JCAD: variants seen among roughly 807,000 people sequenced by gnomAD.
The protein encoded by JCAD is junctional cadherin 5 associated, also known as junctional cadherin 5-associated protein.
In JCAD, 40 loss-of-function variants were observed where a neutral mutation model predicts 98.0. The ratio of observed to expected loss-of-function variants is 0.41; its 90% CI spans 0.32 to 0.53. JCAD has a LOEUF of 0.53. JCAD is among the 20% of genes least tolerant of loss of function. JCAD has a pLI of 0.31. For synonymous variants in JCAD, 691 were observed against 682.3 expected, an observed-to-expected ratio of 1.01 and a Z score of -0.20; for missense variants, 1,705 against 1,738.1, an observed-to-expected ratio of 0.98 and a Z score of 0.34.
At chr10:30,095,116 CTTTATG>C (rs1358568492) in intron 1 of JCAD, among the ~76,000 whole-genome samples, 1 of 152,130 alleles carries the variant, frequency 6.6e-6, no homozygotes, top group Non-Finnish European at 1.5e-5. Flanking sequence ...CTTGGACGAA[CTTTATG>C]TTTATTCTCT....
chr10:30,065,701 G>C (rs780919027), intron 2 of JCAD, among the ~76,000 whole-genome samples: 1 of 152,012 alleles, frequency 6.6e-6, no homozygotes, highest in East Asian at 1.9e-4. Context: ...GGCTCTCCCT[G>C]TGTTGCCCAG....
intron 1 of JCAD, among the ~76,000 whole-genome samples, chr10:30,053,998 G>T (rs1837519759): frequency 2.0e-5 from 3 of 152,152 alleles, no homozygotes; most frequent in Admixed American, 6.5e-5. Context: ...GGAGGCAAAG[G>T]TTGCAGTGAG....
At chr10:30,048,257 C>T (rs1837396798) in intron 1 of JCAD, among the ~76,000 whole-genome samples, 2 of 152,214 alleles carry the variant, frequency 1.3e-5, no homozygotes, top group Non-Finnish European at 2.9e-5. Flanking sequence ...CTGGGAGCTG[C>T]AATGACTGCT....
rs368139420 is a variant in JCAD, at chr10:30,026,646, G to A, written c.3502C>T (p.Arg1168Trp). The change falls in exon 3 of 4, where the codon CGG becomes TGG. Residue 1168 changes from arginine to tryptophan, a missense_variant. Arg to Trp is a moderately radical substitution (Grantham distance 101). Transcript: ENST00000375377. Reference sequence around the variant, plus strand: ...GAGTGCTCAAAAGCCTGAGGAGCCCGCCTGGCACTGTCCCTGTCCCCTACA... The same window carrying A: ...GAGTGCTCAAAAGCCTGAGGAGCCCACCTGGCACTGTCCCTGTCCCCTACA... ...LFVGDRDSAR[R>W]APQAFEHSDV... 8.1e-6 allele frequency: 13 copies of A among 1,612,946 alleles called. No individual in the cohort carries two copies. Among genetic ancestry groups the A allele is most frequent in the East Asian group, 4.5e-5 (2 of 44,890 alleles).
intron 1 of JCAD, among the ~76,000 whole-genome samples, chr10:30,080,129 CAGTG>C (rs1838056814): frequency 1.3e-5 from 2 of 151,978 alleles, no homozygotes; most frequent in African/African-American, 4.8e-5. Context: ...GTTGAATAGT[CAGTG>C]AGTGAGGAAA....
chr10:30,099,013 T>A (rs1838424760), intron 1 of JCAD, among the ~76,000 whole-genome samples: 1 of 152,242 alleles, frequency 6.6e-6, no homozygotes, highest in East Asian at 1.9e-4. Flanking sequence ...ATTACTTAGG[T>A]GTCTATTACT....
At position 30,026,630 on chromosome 10, in the gene JCAD, A is replaced by G. The variant is rs1332701011; in HGVS notation, c.3518T>C (p.Phe1173Ser). ...AACCCCGTCCACATCTGAGTGCTCA[A>G]AAGCCTGAGGAGCCCGCCTGGCACT... ...RDSARRAPQA[F>S]EHSDVDGVVT... The change falls in exon 3 of 4, where the codon TTT becomes TCT. Residue 1173 changes from phenylalanine to serine, a missense_variant. This residue lies in a region of JCAD where 1,278 missense variants were observed against 1,243.1 expected (regional missense o/e 1.03). Transcript: ENST00000375377. The G allele has an allele frequency of 6.2e-7, 1 of 1,613,300 alleles. No homozygotes were observed. Among genetic ancestry groups the G allele is most frequent in the African/African-American group, 1.3e-5 (1 of 74,886 alleles).
chr10:30,058,347 G>C (rs1406454832), intron 1 of JCAD, among the ~76,000 whole-genome samples: 1 of 152,108 alleles, frequency 6.6e-6, no homozygotes, highest in Non-Finnish European at 1.5e-5. Flanking sequence ...ATGAGGACAC[G>C]GGAGGCGGGT....
intron 1 of JCAD, among the ~76,000 whole-genome samples, chr10:30,100,572 T>C (rs1269052132): frequency 1.3e-5 from 2 of 152,154 alleles, no homozygotes; most frequent in Non-Finnish European, 2.9e-5. Flanking sequence ...GTAGTACCGA[T>C]GGGGTTTCAC....
intron 3 of JCAD, 170 bp downstream of exon 3, chr10:30,025,933 G>T (rs1292011837): frequency 9.3e-6 from 7 of 750,086 alleles, no homozygotes; most frequent in East Asian, 5.2e-5. Context: ...TTTAAAGATG[G>T]CTTCTGGATA....
At chr10:30,096,752 A>G (rs1279034763) in intron 1 of JCAD, among the ~76,000 whole-genome samples, 1 of 152,100 alleles carries the variant, frequency 6.6e-6, no homozygotes, top group African/African-American at 2.4e-5. Context: ...AAATAGATTA[A>G]GGCTGCACGA....
intron 2 of JCAD, among the ~76,000 whole-genome samples, chr10:30,042,779 G>A (rs1406462149): frequency 6.6e-6 from 1 of 151,940 alleles, no homozygotes; most frequent in Non-Finnish European, 1.5e-5. Context: ...TCCTTACAAC[G>A]ACCCCTCCCT....
At chr10:30,019,090 T>C (rs1836599758) in intron 3 of JCAD, among the ~76,000 whole-genome samples, 1 of 152,116 alleles carries the variant, frequency 6.6e-6, no homozygotes, top group South Asian at 2.1e-4. Flanking sequence ...GCACAGTGGC[T>C]CACGGCTGTA....
At chr10:30,066,810 C>G (rs1440086686) in intron 2 of JCAD, among the ~76,000 whole-genome samples, 1 of 152,124 alleles carries the variant, frequency 6.6e-6, no homozygotes, top group Admixed American at 6.6e-5. Context: ...CACTTGAGGT[C>G]AGGAGTTCAA....
intron 1 of JCAD, among the ~76,000 whole-genome samples, chr10:30,085,418 T>C (rs1589712005): frequency 6.6e-6 from 1 of 152,202 alleles, no homozygotes; most frequent in East Asian, 1.9e-4. Context: ...CTGCTTCCAA[T>C]AAATTTGTCA....
chr10:30,054,428 C>T (rs531553170), intron 1 of JCAD, among the ~76,000 whole-genome samples: 1 of 152,004 alleles, frequency 6.6e-6, no homozygotes, highest in East Asian at 1.9e-4. Context: ...TTGGCAATTT[C>T]ATATACTTAC....
intron 2 of JCAD, among the ~76,000 whole-genome samples, chr10:30,043,790 C>G (rs1001534965): frequency 2.0e-5 from 3 of 152,224 alleles, no homozygotes; most frequent in African/African-American, 7.2e-5. Context: ...TGCAGGGTGG[C>G]AGCCCCAAGG....
intron 1 of JCAD, among the ~76,000 whole-genome samples, chr10:30,109,427 C>T (rs1162478402): frequency 6.6e-6 from 1 of 152,130 alleles, no homozygotes; most frequent in Non-Finnish European, 1.5e-5. Context: ...AAGTTCAAAA[C>T]TTGAAGTTAT....
intron 1 of JCAD, among the ~76,000 whole-genome samples, chr10:30,104,263 G>A (rs1032191263): frequency 1.3e-5 from 2 of 152,168 alleles, no homozygotes; most frequent in African/African-American, 4.8e-5. Context: ...ATTTGATTCA[G>A]TAGCAGGTTT....
Sources: allele counts gnomAD v4.1 joint callset (sites outside exome capture counted in the v4.1 genomes callset), GRCh38; gene constraint gnomAD v4.1.1; regional missense constraint gnomAD v4.1.1; transcripts MANE v1.5; gene names NCBI Gene and HGNC (gene_info 2026-07-23, HGNC 2026-07-21).